Variants in CCSER1 observed in about 807,000 individuals in gnomAD.
CCSER1 encodes coiled-coil serine rich protein 1.
CCSER1 carries 41 observed loss-of-function variants against 82.0 expected under a neutral mutation model. That is an observed-to-expected ratio of 0.50 (90% CI 0.39 to 0.65). CCSER1 has a LOEUF of 0.65. Ranked by LOEUF, CCSER1 falls within the 30% of genes least tolerant of loss-of-function variation. The pLI is 0.00. For synonymous variants in CCSER1, 414 were observed against 383.9 expected (o/e 1.08, Z -0.92); for missense variants, 1,119 against 1,064.2 (o/e 1.05, Z -0.72).
rs1043357430 is a variant in CCSER1, at chr4:91,348,916, T to A, written c.2218-249656T>A. On this transcript the variant is annotated intron_variant, in intron 10 of 10. Transcript: ENST00000509176. ...TTTAAAATTAATTAATTAATTTATT[T>A]ATTTATTTTTGAGACGGAGTCTCAC... Among the ~76,000 whole-genome samples the A allele has an allele frequency of 4.3e-4, 66 of 152,210 alleles. 1 individual carries two copies. Among genetic ancestry groups the A allele is most frequent in the Middle Eastern group, 3.4e-3 (1 of 294 alleles).
intron 6 of CCSER1, among the ~76,000 whole-genome samples, chr4:90,711,405 T>C (rs1435087983): frequency 1.3e-5 from 2 of 152,150 alleles, no homozygotes; most frequent in Non-Finnish European, 2.9e-5. Flanking sequence ...CTTTGTCTTG[T>C]GCCAGTTTTC....
chr4:91,158,428 T>C (rs1291817318), intron 10 of CCSER1, among the ~76,000 whole-genome samples: 2 of 152,020 alleles, frequency 1.3e-5, no homozygotes, highest in Non-Finnish European at 2.9e-5. Flanking sequence ...TTATTCACTT[T>C]ATCCCTATTC....
chr4:91,291,207 CAT>C (rs202137191), intron 10 of CCSER1, among the ~76,000 whole-genome samples: 2,244 of 151,890 alleles, frequency 0.015, 25 homozygotes, highest in Non-Finnish European at 0.024. Context: ...TCACTGATAA[CAT>C]AAATTAAAGT....
chr4:90,943,713 C>T (rs1014829737), intron 9 of CCSER1, among the ~76,000 whole-genome samples: 2 of 139,920 alleles, frequency 1.4e-5, no homozygotes, highest in Non-Finnish European at 3.1e-5. Context: ...CAAACATGAG[C>T]CACTGTGCCA....
chr4:90,440,179 A>C (rs886648814), intron 4 of CCSER1, among the ~76,000 whole-genome samples: 1 of 151,364 alleles, frequency 6.6e-6, no homozygotes, highest in African/African-American at 2.4e-5. Flanking sequence ...AGTTTTTTTT[A>C]CTTTTTGTAG....
intron 9 of CCSER1, among the ~76,000 whole-genome samples, chr4:91,077,699 G>C (rs1000742333): frequency 6.6e-6 from 1 of 152,198 alleles, no homozygotes; most frequent in Admixed American, 6.5e-5. Flanking sequence ...TCCTAGTAAA[G>C]GGAAGCCCTG....
At chr4:90,292,976 C>A (rs1010160047) in intron 1 of CCSER1, among the ~76,000 whole-genome samples, 2 of 151,870 alleles carry the variant, frequency 1.3e-5, no homozygotes, top group African/African-American at 4.8e-5. Flanking sequence ...CTTTGGTATT[C>A]ATCCTATGTT....
At chr4:91,228,850 G>C (rs1738406841) in intron 10 of CCSER1, among the ~76,000 whole-genome samples, 1 of 152,076 alleles carries the variant, frequency 6.6e-6, no homozygotes, top group Admixed American at 6.6e-5. Context: ...AGTTACACAG[G>C]GTTCTGGGGA....
In CCSER1 at chr4:90,781,180, G is replaced by A. The variant is rs1307156778; in HGVS notation, c.2011-34582G>A. 1.0e-5 allele frequency: 8 copies of A among 772,094 alleles called. No homozygotes were observed. The East Asian group carries it at 1.0e-3, about 99-fold the overall frequency. 47.8% of individuals were successfully genotyped at this position (772,094 alleles called of 1,614,324 possible). Reference sequence around the variant, plus strand: ...CCACCAAGCCCCACCTCCAGCACTGGGGATCACAACTCGACATGAGATTTG... The same window carrying A: ...CCACCAAGCCCCACCTCCAGCACTGAGGATCACAACTCGACATGAGATTTG... On this transcript the variant is annotated intron_variant, in intron 7 of 10. Transcript: ENST00000509176.
intron 10 of CCSER1, among the ~76,000 whole-genome samples, chr4:91,457,190 C>T (rs1756227589): frequency 6.6e-6 from 1 of 152,056 alleles, no homozygotes; most frequent in Non-Finnish European, 1.5e-5. Flanking sequence ...CATATTATTT[C>T]TCTAGTTTAC....
chr4:91,112,941 A>G (rs11732866), intron 10 of CCSER1, among the ~76,000 whole-genome samples: 13,099 of 152,246 alleles, frequency 0.086, 867 homozygotes, highest in East Asian at 0.27. Context: ...AAATTTTCTC[A>G]TCTCTTCTTC....
At chr4:91,099,001 TATAGG>T (rs1724792039) in intron 10 of CCSER1, among the ~76,000 whole-genome samples, 1 of 152,174 alleles carries the variant, frequency 6.6e-6, no homozygotes, top group Non-Finnish European at 1.5e-5. Context: ...ATTTGGAAAT[TATAGG>T]AGATAACTAT....
At chr4:90,579,385 C>T (rs1180087282) in intron 5 of CCSER1, among the ~76,000 whole-genome samples, 1 of 152,082 alleles carries the variant, frequency 6.6e-6, no homozygotes, top group Admixed American at 6.6e-5. Flanking sequence ...AGCAATTATT[C>T]TACAAAATGA....
rs571235845 is a variant in CCSER1 at position 91,588,106 on chromosome 4, A to G, written c.2218-10466A>G. ...TTTGTGCTTTGTTGATTTTTTTTCT[A>G]TTTAAAAATCAATTTTAGATCTTTT... On this transcript the variant is annotated intron_variant, in intron 10 of 10. Coordinates refer to ENST00000509176, the MANE Select transcript of CCSER1 (RefSeq NM_001145065.2). 4.0e-5 allele frequency among the ~76,000 whole-genome samples: 6 copies of G among 151,284 alleles called. No homozygotes were observed. The East Asian group carries it at 7.8e-4, about 20-fold the overall frequency.
chr4:90,448,628 T>C lies in CCSER1; in HGVS notation c.1604-19606T>C, dbSNP rs139833392. Among the ~76,000 whole-genome samples, 531 of 151,866 alleles carry C rather than the reference T, an allele frequency of 3.5e-3. 4 individuals carry two copies. The highest frequency in any genetic ancestry group is 5.4e-3 in the Non-Finnish European group (369 of 67,918). On this transcript the variant is annotated intron_variant, in intron 4 of 10. Transcript: ENST00000509176. ...CATGGACAAATCATTGTGGCACTTA[T>C]GTCAATAATTTTTTTTCTGTATCAT...
At position 90,765,826 on chromosome 4, in the gene CCSER1, G is replaced by A. The variant is rs1425634315; in HGVS notation, c.2010+41835G>A. On this transcript the variant is annotated intron_variant, in intron 7 of 10. Coordinates refer to ENST00000509176, the MANE Select transcript of CCSER1 (RefSeq NM_001145065.2). ...GAGTCAGACATCTAATTTAGACCAA[G>A]AGAGGATAATATTGTGAGTTGAATT... 2.0e-5 allele frequency among the ~76,000 whole-genome samples: 3 copies of A among 152,148 alleles called. 1 individual carries two copies. Among genetic ancestry groups the A allele is most frequent in the Non-Finnish European group, 4.4e-5 (3 of 68,010 alleles).
At chr4:90,744,670 G>C (rs185104691) in intron 7 of CCSER1, among the ~76,000 whole-genome samples, 5 of 152,218 alleles carry the variant, frequency 3.3e-5, no homozygotes, top group Non-Finnish European at 5.9e-5. Context: ...TGGGCAAGCA[G>C]GCATTACCAC....
intron 10 of CCSER1, among the ~76,000 whole-genome samples, chr4:91,386,378 A>G (rs935035735): frequency 6.6e-6 from 1 of 152,092 alleles, no homozygotes; most frequent in Non-Finnish European, 1.5e-5. Flanking sequence ...TCATGAGTCT[A>G]TATTAGTATT....
chr4:90,611,318 T>C (rs1785471756), intron 5 of CCSER1, among the ~76,000 whole-genome samples: 1 of 152,172 alleles, frequency 6.6e-6, no homozygotes. Context: ...CACTTTATTC[T>C]ACTCTCTTTC....
Sources: gnomAD v4.1 joint callset for allele counts (sites outside exome capture counted in the v4.1 genomes callset) on GRCh38, gnomAD v4.1.1 for gene constraint, MANE v1.5 for transcripts, NCBI Gene and HGNC (gene_info 2026-07-23, HGNC 2026-07-21) for gene names.